ERO1B: variants seen among roughly 807,000 people sequenced by gnomAD.
ERO1B encodes endoplasmic reticulum oxidoreductase 1 beta, also known as ERO1-like protein beta.
ERO1B carries 49 observed loss-of-function variants against 75.3 expected under a neutral mutation model. The observed-to-expected ratio is 0.65, with a 90% CI of 0.52 to 0.83. The LOEUF is 0.83. Among genes scored for constraint, ERO1B ranks in the 40% least tolerant of loss-of-function variants. The probability of loss-of-function intolerance (pLI) is 0.00; values close to 1 mark genes in which losing one functional copy is unlikely to be tolerated. For missense variants in ERO1B, 512 were observed against 560.1 expected, an observed-to-expected ratio of 0.91 and a Z score of 0.87; for synonymous variants, 191 against 192.9, an observed-to-expected ratio of 0.99 and a Z score of 0.08.
chr1:236,262,657 G>A (rs1749583), intron 2 of ERO1B, among the ~76,000 whole-genome samples: 38,133 of 151,902 alleles, frequency 0.25, 5,003 homozygotes, highest in East Asian at 0.41. Context: ...CACTAGCCTC[G>A]GCCTCCCAAA....
chr1:236,266,378 T>C (rs1196755039), intron 2 of ERO1B, among the ~76,000 whole-genome samples: 1 of 152,110 alleles, frequency 6.6e-6, no homozygotes, highest in Non-Finnish European at 1.5e-5. Context: ...CCAAGGCGGG[T>C]GGATCACCTG....
In ERO1B at chr1:236,216,487, CATTT is replaced by C. The variant is rs1663982030; in HGVS notation, c.*2025_*2028del. The C allele has an allele frequency of 6.6e-6, 1 of 152,010 alleles. No individual in the cohort carries two copies. The highest frequency in any genetic ancestry group is 1.5e-5 in the Non-Finnish European group (1 of 67,968). 9.4% of individuals were successfully genotyped at this position (152,010 alleles called of 1,614,324 possible). ...GATGAATTTCAGCCTAAGAATACTT[CATTT>C]ATTTTCTTAGTTGTGAAAAAATTAG... On this transcript the variant is annotated 3_prime_UTR_variant, in exon 16 of 16. Coordinates refer to ENST00000354619, the MANE Select transcript of ERO1B (RefSeq NM_019891.4).
At chr1:236,246,022 T>A (rs572466637) in intron 5 of ERO1B, among the ~76,000 whole-genome samples, 84 of 152,102 alleles carry the variant, frequency 5.5e-4, no homozygotes, top group Admixed American at 1.0e-3. Context: ...ATAGTACCAA[T>A]CACTGGAGAA....
chr1:236,265,332 C>A (rs751818893), intron 2 of ERO1B, among the ~76,000 whole-genome samples: 1 of 152,156 alleles, frequency 6.6e-6, no homozygotes, highest in Non-Finnish European at 1.5e-5. Context: ...ATGCAAGAAT[C>A]ATCCTTGCAT....
intron 3 of ERO1B, 123 bp downstream of exon 3, chr1:236,253,299 A>G: frequency 1.6e-6 from 1 of 634,238 alleles, no homozygotes; most frequent in Non-Finnish European, 2.8e-6. Flanking sequence ...GAGAGAGCTG[A>G]GAGCATATGA....
intron 1 of ERO1B, among the ~76,000 whole-genome samples, chr1:236,275,990 T>C (rs1665703413): frequency 6.6e-6 from 1 of 152,218 alleles, no homozygotes; most frequent in South Asian, 2.1e-4. Flanking sequence ...AGTGACACTT[T>C]AGCAGAAATC....
At chr1:236,264,377 G>A (rs974860506) in intron 2 of ERO1B, among the ~76,000 whole-genome samples, 12 of 152,194 alleles carry the variant, frequency 7.9e-5, no homozygotes, top group African/African-American at 2.4e-4. Flanking sequence ...CCAGCGTGCC[G>A]GGATTACAGG....
chr1:236,262,407 T>C (rs1219658181), intron 2 of ERO1B, among the ~76,000 whole-genome samples: 3 of 152,184 alleles, frequency 2.0e-5, no homozygotes, highest in African/African-American at 7.2e-5. Context: ...CAGTCTTTTT[T>C]TGTTTGTTTT....
At position 236,220,879 on chromosome 1, in the gene ERO1B, G is replaced by A. The variant is rs1429311516; in HGVS notation, c.1296C>T (p.Phe432=). The change falls in exon 15 of 16, where the codon TTC becomes TTT. Residue 432 remains phenylalanine, a synonymous_variant. Transcript: ENST00000354619. ...KLPENSPSKG[F]QLTRQEIVAL... is the part of the protein sequence containing the mutation. ...CAACTATTTCCTGTCGGGTGAGTTG[G>A]AAGCCTTTAGATGGACTATTCTCTG... is the stretch of plus-strand genomic sequence containing the variant. The A allele has an allele frequency of 8.1e-6, 13 of 1,597,576 alleles. No homozygotes were observed. Among genetic ancestry groups the A allele is most frequent in the Non-Finnish European group, 1.1e-5 (13 of 1,172,586 alleles).
intron 2 of ERO1B, among the ~76,000 whole-genome samples, chr1:236,268,393 T>C (rs1408623317): frequency 6.6e-6 from 1 of 151,616 alleles, no homozygotes; most frequent in African/African-American, 2.4e-5. Context: ...TGAACTGAGA[T>C]GGAGCCACTG....
intron 6 of ERO1B, among the ~76,000 whole-genome samples, chr1:236,242,706 G>T (rs906345985): frequency 2.6e-5 from 4 of 151,810 alleles, no homozygotes; most frequent in African/African-American, 9.7e-5. Context: ...TTTCCACTGT[G>T]AAAAATATAA....
intron 6 of ERO1B, among the ~76,000 whole-genome samples, chr1:236,238,500 T>C (rs1412888288): frequency 6.9e-6 from 1 of 144,198 alleles, no homozygotes; most frequent in Non-Finnish European, 1.5e-5. Flanking sequence ...ATGGCACCAC[T>C]ACACTCCACC....
At chr1:236,264,104 T>C (rs1324264712) in intron 2 of ERO1B, among the ~76,000 whole-genome samples, 1 of 152,170 alleles carries the variant, frequency 6.6e-6, no homozygotes, top group Admixed American at 6.5e-5. Flanking sequence ...TTCATATAAC[T>C]ACATTTTCTT....
At chr1:236,252,199 T>C in intron 3 of ERO1B, 108 bp from the exon 4 acceptor site, 1 of 707,366 alleles carries the variant, frequency 1.4e-6, no homozygotes. Context: ...CATTTTACTC[T>C]ATGAGGGGCA....
rs544993472 is a variant in ERO1B, at chr1:236,222,806, T to C, written c.1123-796A>G. 6.6e-5 allele frequency among the ~76,000 whole-genome samples: 10 copies of C among 152,336 alleles called. 1 individual carries two copies. The South Asian group carries it at 2.1e-3, about 32-fold the overall frequency. Reference sequence around the variant, plus strand: ...GTTTGTCATGGTTGCTCAATCAATATGAATGATAACAGGCCTGTGTGACAC... The same window carrying C: ...GTTTGTCATGGTTGCTCAATCAATACGAATGATAACAGGCCTGTGTGACAC... On this transcript the variant is annotated intron_variant, in intron 13 of 15. Coordinates refer to ENST00000354619, the MANE Select transcript of ERO1B (RefSeq NM_019891.4).
At chr1:236,230,180 A>AT (rs1357436218) in intron 10 of ERO1B, 44 bp downstream of exon 10, 7 of 1,476,558 alleles carry the variant, frequency 4.7e-6, no homozygotes, top group Non-Finnish European at 4.7e-6. Context: ...ATAAATCAGT[A>AT]TTTTTTAACA....
intron 13 of ERO1B, among the ~76,000 whole-genome samples, chr1:236,224,599 T>C (rs141077400): frequency 5.9e-5 from 9 of 152,308 alleles, no homozygotes; most frequent in African/African-American, 2.2e-4. Context: ...TCCCAAAACA[T>C]ATTCTCCTTC....
chr1:236,271,673 T>C (rs1370748567), intron 1 of ERO1B, among the ~76,000 whole-genome samples: 1 of 151,680 alleles, frequency 6.6e-6, no homozygotes, highest in Non-Finnish European at 1.5e-5. Context: ...TTATATATAA[T>C]ATATAATTAA....
chr1:236,243,313 G>A (rs768814465), intron 6 of ERO1B, 109 bp downstream of exon 6: 2 of 748,526 alleles, frequency 2.7e-6, no homozygotes, highest in Non-Finnish European at 2.1e-6. Context: ...GGTCTACATA[G>A]CAAAATCCAG....
Sources: allele counts gnomAD v4.1 joint callset (sites outside exome capture counted in the v4.1 genomes callset), GRCh38; gene constraint gnomAD v4.1.1; transcripts MANE v1.5; gene names NCBI Gene and HGNC (gene_info 2026-07-23, HGNC 2026-07-21).